SMOC1: variants seen among roughly 807,000 people sequenced by gnomAD.
SMOC1 encodes the protein SPARC-related modular calcium-binding protein 1.
A neutral mutation model predicts 56.3 loss-of-function variants in SMOC1; 22 were observed. The ratio of observed to expected loss-of-function variants is 0.39; its 90% confidence interval spans 0.28 to 0.56. The LOEUF (loss-of-function observed/expected upper bound fraction) is 0.56. SMOC1 is among the 20% of genes least tolerant of loss of function. The pLI is 0.61. For missense variants in SMOC1, 509 were observed against 565.4 expected (o/e 0.90, Z 1.01); for synonymous variants, 193 against 215.0 (o/e 0.90, Z 0.89).
chr14:69,956,790 C>G (rs1393380164), intron 3 of SMOC1, among the ~76,000 whole-genome samples: 1 of 152,152 alleles, frequency 6.6e-6, no homozygotes, highest in Non-Finnish European at 1.5e-5. Context: ...GTTCAGCTTT[C>G]TTCTACAGCA....
chr14:70,020,742 G>A (rs1885687549), intron 10 of SMOC1, among the ~76,000 whole-genome samples: 1 of 152,172 alleles, frequency 6.6e-6, no homozygotes, highest in Admixed American at 6.5e-5. Flanking sequence ...TGTTCTTCTG[G>A]CAAGGAGATG....
intron 3 of SMOC1, 89 bp downstream of exon 3, chr14:69,953,621 C>T: frequency 1.9e-6 from 2 of 1,079,358 alleles, no homozygotes; most frequent in South Asian, 1.3e-5. Flanking sequence ...TTGGCGCCTT[C>T]ACTTTCTGGG....
At chr14:69,888,101 A>G (rs912444734) in intron 1 of SMOC1, among the ~76,000 whole-genome samples, 1 of 152,084 alleles carries the variant, frequency 6.6e-6, no homozygotes, top group African/African-American at 2.4e-5. Context: ...CCCTCCTTCC[A>G]TGTTTGGGGA....
At position 69,879,492 on chromosome 14, in the gene SMOC1, GCTCCC is replaced by G. The variant is rs1883569230; in HGVS notation, c.-182_-178del. 2 of 429,776 alleles carry G rather than the reference GCTCCC, an allele frequency of 4.7e-6. No homozygotes were observed. The highest frequency in any genetic ancestry group is 1.2e-4 in the South Asian group (2 of 16,206). 26.6% of individuals were successfully genotyped at this position (429,776 alleles called of 1,614,324 possible). A position where few individuals can be genotyped will look rare whatever the true frequency, so the allele number is the denominator to read the frequency against. On this transcript the variant is annotated 5_prime_UTR_variant, in exon 1 of 12. Coordinates refer to ENST00000361956, the MANE Select transcript of SMOC1 (RefSeq NM_001034852.3). ...GCGCAGAGCACACGCTCGCGCTCCAGCTCCCCTCCTGCGCGGTTCATGACTGTGTC... is the reference window on the plus strand; with the variant it reads ...GCGCAGAGCACACGCTCGCGCTCCAGCTCCTGCGCGGTTCATGACTGTGTC...
At chr14:69,931,385 G>A (rs1299503992) in intron 1 of SMOC1, among the ~76,000 whole-genome samples, 5 of 152,212 alleles carry the variant, frequency 3.3e-5, no homozygotes, top group African/African-American at 7.2e-5. Flanking sequence ...AGCTCCACTC[G>A]CTGTCGTCCT....
At chr14:70,020,969 G>A (rs370570150) in intron 10 of SMOC1, among the ~76,000 whole-genome samples, 1 of 152,196 alleles carries the variant, frequency 6.6e-6, no homozygotes, top group Non-Finnish European at 1.5e-5. Context: ...GAGGGAGTGC[G>A]CCTCCCCTGG....
intron 1 of SMOC1, among the ~76,000 whole-genome samples, chr14:69,935,306 T>C (rs992087982): frequency 5.3e-5 from 8 of 152,232 alleles, no homozygotes; most frequent in African/African-American, 1.2e-4. Context: ...TGGGGAGATA[T>C]ACCTTATCGA....
rs117686131 is a variant in SMOC1 at position 70,025,113 on chromosome 14, G to A, written c.1291+1666G>A. On this transcript the variant is annotated intron_variant, in intron 11 of 11. Transcript: ENST00000361956. ...AGGTTAAGTATAGAGGGATGTAGAG[G>A]GTGCCCAAGTATGGTTTGGACACGT... Among the ~76,000 whole-genome samples, 354 of 152,166 alleles carry A rather than the reference G, an allele frequency of 2.3e-3. 15 individuals are homozygous for A. In the East Asian group the frequency reaches 0.065, roughly 28 times the overall value.
chr14:69,991,368 A>G (rs1884562315), intron 5 of SMOC1, among the ~76,000 whole-genome samples: 1 of 152,074 alleles, frequency 6.6e-6, no homozygotes, highest in African/African-American at 2.4e-5. Flanking sequence ...GATGAAAAAC[A>G]CTCATTTTAC....
chr14:69,960,792 C>T (rs1883342367), intron 3 of SMOC1, among the ~76,000 whole-genome samples: 1 of 145,222 alleles, frequency 6.9e-6, no homozygotes, highest in Non-Finnish European at 1.5e-5. Context: ...TTTTCTTCAT[C>T]TTTAGGTTCT....
intron 1 of SMOC1, among the ~76,000 whole-genome samples, chr14:69,936,913 A>G (rs1885309782): frequency 6.6e-6 from 1 of 152,132 alleles, no homozygotes; most frequent in Non-Finnish European, 1.5e-5. Context: ...TTACTTACAT[A>G]TATACACACA....
At chr14:70,008,473 A>G (rs1885220326) in intron 7 of SMOC1, among the ~76,000 whole-genome samples, 1 of 152,154 alleles carries the variant, frequency 6.6e-6, no homozygotes, top group African/African-American at 2.4e-5. Flanking sequence ...AACTTCATAG[A>G]CACTGACTAT....
chr14:69,879,434 C>A lies in SMOC1; in HGVS notation c.-245C>A, dbSNP rs368442479. On this transcript the variant is annotated 5_prime_UTR_variant, in exon 1 of 12. Transcript: ENST00000361956. ...CGGGCTCAGGCGTCCAACCTGCTGC[C>A]GCCTGGGCCCCGCCGAGCGGAGCTA... is the stretch of plus-strand genomic sequence containing the variant. The A allele has an allele frequency of 7.9e-6, 3 of 380,850 alleles. No homozygotes were observed. The highest frequency in any genetic ancestry group is 1.4e-5 in the Non-Finnish European group (3 of 217,052). 23.6% of individuals were successfully genotyped at this position (380,850 alleles called of 1,614,324 possible).
chr14:70,011,672 A>G (rs1885347275), intron 9 of SMOC1, 105 bp downstream of exon 9: 1 of 1,099,316 alleles, frequency 9.1e-7, no homozygotes, highest in South Asian at 1.3e-5. Flanking sequence ...CCCCATGTGT[A>G]AGATGGAGCC....
At chr14:69,951,254 A>G (rs1267800696) in intron 1 of SMOC1, among the ~76,000 whole-genome samples, 1 of 152,172 alleles carries the variant, frequency 6.6e-6, no homozygotes, top group Non-Finnish European at 1.5e-5. Flanking sequence ...AAGTCCCCAG[A>G]CACCACTCCC....
chr14:70,012,503 C>G (rs1260644958), intron 9 of SMOC1, among the ~76,000 whole-genome samples: 1 of 152,202 alleles, frequency 6.6e-6, no homozygotes, highest in East Asian at 1.9e-4. Flanking sequence ...GTGAGAATGG[C>G]AGGGAGAACC....
intron 5 of SMOC1, among the ~76,000 whole-genome samples, chr14:69,989,153 A>G (rs1884473903): frequency 6.6e-6 from 1 of 152,358 alleles, no homozygotes; most frequent in African/African-American, 2.4e-5. Context: ...CATTCTCACC[A>G]GCAATGAACA....
intron 1 of SMOC1, among the ~76,000 whole-genome samples, chr14:69,897,014 C>A (rs1208332582): frequency 2.0e-5 from 3 of 152,200 alleles, no homozygotes; most frequent in African/African-American, 7.2e-5. Context: ...GAAGGTCCTG[C>A]TGATTGATGT....
At chr14:69,954,841 G>C (rs956090576) in intron 3 of SMOC1, among the ~76,000 whole-genome samples, 1 of 152,170 alleles carries the variant, frequency 6.6e-6, no homozygotes, top group African/African-American at 2.4e-5. Context: ...TATATAGGCT[G>C]GTCTTTGGTC....
Sources: gnomAD v4.1 joint callset for allele counts (sites outside exome capture counted in the v4.1 genomes callset) on GRCh38, gnomAD v4.1.1 for gene constraint, MANE v1.5 for transcripts, NCBI Gene and HGNC (gene_info 2026-07-23, HGNC 2026-07-21) for gene names.